Variants in LRIG1 observed in about 807,000 individuals in gnomAD.
LRIG1 encodes the protein leucine-rich repeats and immunoglobulin-like domains protein 1.
Under a neutral mutation model 99.2 loss-of-function variants are expected in LRIG1, and 48 were observed. The ratio of observed to expected loss-of-function variants is 0.48; its 90% CI spans 0.38 to 0.62. The LOEUF (loss-of-function observed/expected upper bound fraction) is 0.62. Among genes scored for constraint, LRIG1 ranks in the 20% least tolerant of loss-of-function variants. The pLI is 0.00. For synonymous variants in LRIG1, 772 were observed against 596.1 expected, an observed-to-expected ratio of 1.29 and a Z score of -4.30; for missense variants, 1,646 against 1,434.4, an observed-to-expected ratio of 1.15 and a Z score of -2.38.
rs115208656 is a variant in LRIG1, at chr3:66,452,952, G to C, written c.291-1319C>G. On this transcript the variant is annotated intron_variant, in intron 2 of 18. Coordinates refer to ENST00000273261, the MANE Select transcript of LRIG1 (RefSeq NM_015541.3). The stretch of plus-strand genomic sequence containing the variant: ...CTCCACTTAAAGGGCCCTTGTTTGT[G>C]TGTTGAAATAGACAATTAATTACTT... Among the ~76,000 whole-genome samples, 564 of 152,296 alleles carry C rather than the reference G, an allele frequency of 3.7e-3. 2 individuals are homozygous for C. Among genetic ancestry groups the C allele is most frequent in the African/African-American group, 0.013 (535 of 41,542 alleles).
Position 66,426,763 on chromosome 3 carries a change from T to C in LRIG1, c.366-9497A>G, listed in dbSNP as rs79937675. The stretch of plus-strand genomic sequence containing the variant: ...AGACAGAAATCCACACTGTATATCC[T>C]ATATCCTTCCTCGTTTCAGTTCCGC... On this transcript the variant is annotated intron_variant, in intron 3 of 18. Transcript: ENST00000273261. Among the ~76,000 whole-genome samples the C allele has an allele frequency of 3.2e-3, 482 of 152,320 alleles. 2 individuals are homozygous for C. The highest frequency in any genetic ancestry group is 0.013 in the East Asian group (69 of 5,178).
intron 1 of LRIG1, among the ~76,000 whole-genome samples, chr3:66,486,808 G>A (rs1346378881): frequency 1.3e-5 from 2 of 152,122 alleles, no homozygotes; most frequent in African/African-American, 4.8e-5. Flanking sequence ...CAACTACACT[G>A]TAACTTTACG....
Position 66,410,137 on chromosome 3 carries a change from C to T in LRIG1, c.927G>A (p.Leu309=). The T allele has an allele frequency of 1.9e-6, 3 of 1,611,452 alleles. No individual in the cohort carries two copies. Among genetic ancestry groups the T allele is most frequent in the Non-Finnish European group, 2.5e-6 (3 of 1,178,606 alleles). ...HRKGWSFCQK[L]HELVLSFNNL... is the part of the protein sequence containing the mutation. ...GAGCCGAGGACACTTACAACTCATG[C>T]AGCTTCTGGCAGAAGCTCCAGCCCT... is the stretch of plus-strand genomic sequence containing the variant. The change falls in exon 7 of 19, where the codon CTG becomes CTA. Residue 309 remains leucine (L), a synonymous_variant. Coordinates refer to ENST00000273261, the MANE Select transcript of LRIG1 (RefSeq NM_015541.3).
intron 4 of LRIG1, 35 bp downstream of exon 4, chr3:66,417,094 G>A (rs370221905): frequency 3.0e-5 from 49 of 1,607,556 alleles, no homozygotes; most frequent in Middle Eastern, 3.4e-4. Flanking sequence ...TGGACACAGC[G>A]GGCCAGCCAC....
chr3:66,494,308 C>T (rs993204403), intron 1 of LRIG1, among the ~76,000 whole-genome samples: 2 of 152,166 alleles, frequency 1.3e-5, no homozygotes, highest in African/African-American at 4.8e-5. Context: ...AATTAACTTT[C>T]AACCCCTTCA....
At chr3:66,457,224 T>G (rs1700249627) in intron 2 of LRIG1, among the ~76,000 whole-genome samples, 1 of 152,230 alleles carries the variant, frequency 6.6e-6, no homozygotes, top group Non-Finnish European at 1.5e-5. Flanking sequence ...TGGTTAATTT[T>G]GAAGCAGTAG....
rs1433811721 is a variant in LRIG1 at position 66,381,497 on chromosome 3, G to A, written c.2752C>T (p.Pro918Ser). Residue 918 changes from proline (P) to serine (S), a missense_variant, in exon 17 of 19, where the codon CCT (proline) becomes TCT (serine). Pro to Ser is a moderately conservative substitution (Grantham distance 74). Coordinates refer to ENST00000273261, the MANE Select transcript of LRIG1 (RefSeq NM_015541.3). Reference sequence around the variant, plus strand: ...CTCATACCCATCTTATGTGGCCCAGGTGTCCCTTCAGCTTTCTCCATCGCT... The same window carrying A: ...CTCATACCCATCTTATGTGGCCCAGATGTCCCTTCAGCTTTCTCCATCGCT... ...WKAMEKAEGTPGPHKMEHGGR... is the reference protein window; with the variant it reads ...WKAMEKAEGTSGPHKMEHGGR... The A allele has an allele frequency of 5.0e-6, 8 of 1,613,604 alleles. No individual in the cohort carries two copies. The highest frequency in any genetic ancestry group is 6.8e-6 in the Non-Finnish European group (8 of 1,179,574).
chr3:66,446,323 G>A (rs998115985), intron 3 of LRIG1, among the ~76,000 whole-genome samples: 7 of 150,840 alleles, frequency 4.6e-5, no homozygotes, highest in Admixed American at 1.3e-4. Flanking sequence ...AGGACACCGC[G>A]TTTCTTTCCT....
At chr3:66,453,551 C>A (rs1280672155) in intron 2 of LRIG1, among the ~76,000 whole-genome samples, 2 of 152,186 alleles carry the variant, frequency 1.3e-5, no homozygotes, top group African/African-American at 4.8e-5. Flanking sequence ...ACTCGACATG[C>A]CTCGTGCACT....
At chr3:66,498,648 G>C (rs548453753) in intron 1 of LRIG1, among the ~76,000 whole-genome samples, 1 of 150,958 alleles carries the variant, frequency 6.6e-6, no homozygotes, top group South Asian at 2.1e-4. Flanking sequence ...GGACAATACT[G>C]GGCTCTATCT....
chr3:66,417,038 T>A (rs779567502), intron 4 of LRIG1, 91 bp downstream of exon 4: 2 of 1,503,634 alleles, frequency 1.3e-6, no homozygotes, highest in South Asian at 1.2e-5. Context: ...GAAGGAAGCA[T>A]CCCTCCTGCA....
At position 66,384,020 on chromosome 3, in the gene LRIG1, A is replaced by T; in HGVS notation, c.2042T>A (p.Ile681Asn). Residue 681 changes from isoleucine to asparagine, a missense_variant, in exon 14 of 19, where the codon ATT becomes AAT. Ile to Asn is a moderately radical substitution (Grantham distance 149). Coordinates refer to ENST00000273261, the MANE Select transcript of LRIG1 (RefSeq NM_015541.3). ...GACAGTCAGGGTGGCATTAGCTGAA[A>T]TAGAACCGGCTGAGTTCTGAGCAGT... ...SCTAQNSAGSISANATLTVLE... is the reference protein window; with the variant it reads ...SCTAQNSAGSNSANATLTVLE... The T allele has an allele frequency of 6.2e-7, 1 of 1,613,934 alleles. No homozygotes were observed. Among genetic ancestry groups the T allele is most frequent in the Non-Finnish European group, 8.5e-7 (1 of 1,179,890 alleles).
chr3:66,499,126 C>A (rs1701294054), intron 1 of LRIG1, among the ~76,000 whole-genome samples: 1 of 152,180 alleles, frequency 6.6e-6, no homozygotes, highest in African/African-American at 2.4e-5. Flanking sequence ...ATGCTAATTA[C>A]CCATAACTGA....
intron 3 of LRIG1, among the ~76,000 whole-genome samples, chr3:66,447,237 TA>T (rs1301168493): frequency 2.0e-5 from 3 of 152,184 alleles, no homozygotes; most frequent in Non-Finnish European, 4.4e-5. Flanking sequence ...ATTACACTCT[TA>T]ATTATTTTTA....
At position 66,383,875 on chromosome 3, in the gene LRIG1, A is replaced by G. The variant is rs981526068; in HGVS notation, c.2071+116T>C. 3 of 1,420,916 alleles carry G rather than the reference A, an allele frequency of 2.1e-6. No homozygotes were observed. In the Admixed American group the frequency reaches 8.4e-5, roughly 40 times the overall value. The allele number at this position is 1,420,916 out of a possible 1,614,324, so 88.0% of individuals were successfully genotyped here. A position where few individuals can be genotyped will look rare whatever the true frequency, so the allele number is the denominator to read the frequency against. Reference sequence around the variant, plus strand: ...AACTCAAAAAGCAGCCCCAAATTTCAAACAGGGTCGAAAGGCCCACAACGC... The same window carrying G: ...AACTCAAAAAGCAGCCCCAAATTTCGAACAGGGTCGAAAGGCCCACAACGC... On this transcript the variant is annotated intron_variant, in intron 14 of 18. Transcript: ENST00000273261.
At position 66,394,082 on chromosome 3, in the gene LRIG1, C is replaced by A. The variant is rs1318246130; in HGVS notation, c.1426G>T (p.Gly476Cys). Reference protein sequence around the residue: ...ATCAHPESLKGQSIFSVPPES... With the variant: ...ATCAHPESLKCQSIFSVPPES... ...GGTGGCACAGAGAAAATGCTCTGACCCTTCAGTGATTCTGGGTGGGCACAG... is the reference window on the plus strand; with the variant it reads ...GGTGGCACAGAGAAAATGCTCTGACACTTCAGTGATTCTGGGTGGGCACAG... Residue 476 changes from glycine (G) to cysteine (C), a missense_variant, in exon 12 of 19, where the codon GGT (glycine) becomes TGT (cysteine). Gly to Cys is a radical substitution (Grantham distance 159). Transcript: ENST00000273261. 3.7e-6 allele frequency: 6 copies of A among 1,614,086 alleles called. No individual in the cohort carries two copies. The highest frequency in any genetic ancestry group is 3.3e-4 in the Middle Eastern group (2 of 6,062).
At chr3:66,466,228 G>A (rs1010219437) in intron 1 of LRIG1, among the ~76,000 whole-genome samples, 2 of 151,984 alleles carry the variant, frequency 1.3e-5, no homozygotes, top group Admixed American at 1.3e-4. Flanking sequence ...GACATGGTGG[G>A]GGGAGGGTCT....
At chr3:66,496,442 A>G (rs972147548) in intron 1 of LRIG1, among the ~76,000 whole-genome samples, 1 of 152,200 alleles carries the variant, frequency 6.6e-6, no homozygotes, top group Non-Finnish European at 1.5e-5. Context: ...ACCTTACTCA[A>G]AAAAAGTTGT....
intron 12 of LRIG1, among the ~76,000 whole-genome samples, chr3:66,389,790 C>T (rs1259293728): frequency 6.6e-6 from 1 of 152,120 alleles, no homozygotes; most frequent in Non-Finnish European, 1.5e-5. Flanking sequence ...AAGACTTCAA[C>T]AACACTATGA....
Sources: allele counts gnomAD v4.1 joint callset (sites outside exome capture counted in the v4.1 genomes callset), GRCh38; gene constraint gnomAD v4.1.1; transcripts MANE v1.5; gene names NCBI Gene and HGNC (gene_info 2026-07-23, HGNC 2026-07-21).